The following COX20 variants were observed in gnomAD, a reference collection of about 807,000 sequenced individuals.
COX20 encodes cytochrome c oxidase assembly protein COX20, mitochondrial.
A neutral mutation model predicts 14.3 loss-of-function variants in COX20; 14 were observed. That is an observed-to-expected ratio of 0.98 (90% CI 0.65 to 1.53). The LOEUF is 1.53. Among genes scored for constraint, COX20 ranks in the 40% most tolerant of loss-of-function variants. The pLI, the probability that COX20 is intolerant of heterozygous loss-of-function variation, is 0.00. For missense variants in COX20, 149 were observed against 142.1 expected (o/e 1.05, Z -0.25); for synonymous variants, 56 against 51.7 (o/e 1.08, Z -0.36).
intron 1 of COX20, among the ~76,000 whole-genome samples, chr1:244,837,998 G>A (rs1334103765): frequency 6.6e-6 from 1 of 152,128 alleles, no homozygotes; most frequent in Non-Finnish European, 1.5e-5. Context: ...ATGGTAATTT[G>A]ATAGGACAGG....
chr1:244,835,788 G>A (rs1679956255), intron 1 of COX20, 32 bp downstream of exon 1: 1 of 1,247,120 alleles, frequency 8.0e-7, no homozygotes, highest in Non-Finnish European at 1.0e-6. Context: ...CGCGCGCCGC[G>A]GGTGGGCGGT....
intron 1 of COX20, chr1:244,836,360 C>G (rs1289906535): frequency 6.8e-6 from 5 of 740,674 alleles, no homozygotes; most frequent in Non-Finnish European, 1.2e-5. Context: ...GTCGTAGCAG[C>G]CCATCCTATC....
chr1:244,843,343 A>G lies in COX20; in HGVS notation c.*167A>G, dbSNP rs1680291357. 1.5e-6 allele frequency: 1 copy of G among 674,976 alleles called. No homozygotes were observed. Among genetic ancestry groups the G allele is most frequent in the East Asian group, 3.1e-5 (1 of 32,092 alleles). The allele number at this position is 674,976 out of a possible 1,614,324, so 41.8% of individuals were successfully genotyped here. The stretch of plus-strand genomic sequence containing the variant: ...GCCAGTTTATTCTGGCCCTGTGTCT[A>G]CTGCCAGGATAGCATTCTTACGTGT... On this transcript the variant is annotated 3_prime_UTR_variant, in exon 4 of 4. Coordinates refer to ENST00000411948, the MANE Select transcript of COX20 (RefSeq NM_198076.6).
chr1:244,836,724 T>C (rs1679999214), intron 1 of COX20, among the ~76,000 whole-genome samples: 1 of 152,184 alleles, frequency 6.6e-6, no homozygotes, highest in South Asian at 2.1e-4. Context: ...TGGCTCCTAA[T>C]ATATACTTAA....
rs1357499171 is a variant in COX20, at chr1:244,844,580, A to G, written c.*1404A>G. 6.6e-6 allele frequency: 1 copy of G among 152,292 alleles called. No individual in the cohort carries two copies. The highest frequency in any genetic ancestry group is 1.9e-4 in the East Asian group (1 of 5,198). The allele number at this position is 152,292 out of a possible 1,614,324, so 9.4% of individuals were successfully genotyped here. ...TGAGACCAGCCTGGCCAACAGGGTG[A>G]AACCCTGTCTCGTCTAAAAATACAA... On this transcript the variant is annotated 3_prime_UTR_variant, in exon 4 of 4. Coordinates refer to ENST00000411948, the MANE Select transcript of COX20 (RefSeq NM_198076.6).
At position 244,843,338 on chromosome 1, in the gene COX20, T is replaced by A; in HGVS notation, c.*162T>A. On this transcript the variant is annotated 3_prime_UTR_variant, in exon 4 of 4. Coordinates refer to ENST00000411948, the MANE Select transcript of COX20 (RefSeq NM_198076.6). Reference sequence around the variant, plus strand: ...AACTTGCCAGTTTATTCTGGCCCTGTGTCTACTGCCAGGATAGCATTCTTA... The same window carrying A: ...AACTTGCCAGTTTATTCTGGCCCTGAGTCTACTGCCAGGATAGCATTCTTA... 1.4e-6 allele frequency: 1 copy of A among 701,626 alleles called. No individual in the cohort carries two copies. Among genetic ancestry groups the A allele is most frequent in the East Asian group, 3.1e-5 (1 of 32,666 alleles). The allele number at this position is 701,626 out of a possible 1,614,324, so 43.5% of individuals were successfully genotyped here. A position where few individuals can be genotyped will look rare whatever the true frequency, so the allele number is the denominator to read the frequency against.
chr1:244,835,536 CCGGCCCCGTG>C (rs1460280906), upstream of COX20: 3 of 407,250 alleles, frequency 7.4e-6, no homozygotes, highest in East Asian at 3.7e-5. Context: ...ACATGACAGC[CCGGCCCCGTG>C]CGGCCACTGC....
chr1:244,836,462 AC>A, intron 1 of COX20: 1 of 1,549,154 alleles, frequency 6.5e-7, no homozygotes, highest in Non-Finnish European at 8.7e-7. Context: ...AAGCTGACTT[AC>A]GTACTTTCCC....
intron 1 of COX20, 24 bp downstream of exon 1, chr1:244,835,780 C>A: frequency 2.4e-6 from 3 of 1,247,614 alleles, no homozygotes; most frequent in South Asian, 3.4e-5. Context: ...CGGCGGGGCG[C>A]GCGCCGCGGG....
At chr1:244,841,135 C>G (rs1450499199) in intron 1 of COX20, 1 of 152,126 alleles carries the variant, frequency 6.6e-6, no homozygotes, top group Admixed American at 6.5e-5. Flanking sequence ...TACATAAATC[C>G]AATGAAGACT....
intron 1 of COX20, 21 bp from the exon 2 acceptor site, chr1:244,841,923 G>A: frequency 7.1e-7 from 1 of 1,414,382 alleles, no homozygotes; most frequent in Non-Finnish European, 9.8e-7. Context: ...ACTCAATCTA[G>A]GTTCTTTTTT....
intron 1 of COX20, chr1:244,836,562 T>C: frequency 6.6e-7 from 1 of 1,513,550 alleles, no homozygotes; most frequent in Non-Finnish European, 9.0e-7. Context: ...GGGCTCCTTA[T>C]TAAGAGCAGG....
At chr1:244,839,128 C>A (rs11801533) in intron 1 of COX20, among the ~76,000 whole-genome samples, 5,087 of 151,456 alleles carry the variant, frequency 0.034, 285 homozygotes, top group African/African-American at 0.11. Context: ...AAAAAACTAA[C>A]GATGCAAATG....
rs1415041932 is a variant in COX20 at position 244,844,838 on chromosome 1, T to C, written c.*1662T>C. On this transcript the variant is annotated 3_prime_UTR_variant, in exon 4 of 4. Transcript: ENST00000411948. ...CGCACTGCATGAATGCGGGAAAATG[T>C]TGATGATCACTAATCAATAATCTGA... 6.6e-6 allele frequency: 1 copy of C among 152,114 alleles called. No homozygotes were observed. The highest frequency in any genetic ancestry group is 2.1e-4 in the South Asian group (1 of 4,824). 9.4% of individuals were successfully genotyped at this position (152,114 alleles called of 1,614,324 possible).
rs759357042 is a variant in COX20, at chr1:244,843,199, A to G, written c.*23A>G. On this transcript the variant is annotated 3_prime_UTR_variant, in exon 4 of 4. Coordinates refer to ENST00000411948, the MANE Select transcript of COX20 (RefSeq NM_198076.6). ...TGAACAATCTTGAGCATAGAAGTCA[A>G]TGTAAACGAAGTTAAGATCAACCAC... is the stretch of plus-strand genomic sequence containing the variant. 7.8e-6 allele frequency: 12 copies of G among 1,545,422 alleles called. No homozygotes were observed. Among genetic ancestry groups the G allele is most frequent in the African/African-American group, 7.3e-5 (5 of 68,150 alleles).
chr1:244,842,327 C>G (rs1268393343), intron 3 of COX20, 69 bp downstream of exon 3: 1 of 1,054,464 alleles, frequency 9.5e-7, no homozygotes, highest in African/African-American at 1.6e-5. Flanking sequence ...AGCACATGCT[C>G]TTTTCAGAGC....
At chr1:244,841,441 C>G (rs1224011796) in intron 1 of COX20, 1 of 154,330 alleles carries the variant, frequency 6.5e-6, no homozygotes, top group Non-Finnish European at 1.4e-5. Flanking sequence ...AACATTTACT[C>G]TTACAACCAC....
upstream of COX20, chr1:244,835,560 G>A (rs1019050798): frequency 9.3e-4 from 429 of 463,134 alleles, 4 homozygotes; most frequent in Non-Finnish European, 1.7e-4. Context: ...CCACTGCGGA[G>A]CGTTAGGAAC....
At chr1:244,841,793 ACAAC>A in intron 1 of COX20, 147 bp from the exon 2 acceptor site, 1 of 581,136 alleles carries the variant, frequency 1.7e-6, no homozygotes, top group Non-Finnish European at 3.1e-6. Context: ...GTGGACAAAG[ACAAC>A]GCAAGCTGAT....
Sources: allele counts gnomAD v4.1 joint callset (sites outside exome capture counted in the v4.1 genomes callset), GRCh38; gene constraint gnomAD v4.1.1; transcripts MANE v1.5; gene names NCBI Gene and HGNC (gene_info 2026-07-23, HGNC 2026-07-21).